FBXO3: variants seen among roughly 807,000 people sequenced by gnomAD.
The protein encoded by FBXO3 is F-box only protein 3.
FBXO3 carries 17 observed loss-of-function variants against 64.8 expected under a neutral mutation model. That is an observed-to-expected ratio of 0.26 (90% CI 0.18 to 0.39). The LOEUF is 0.39. Among genes scored for constraint, FBXO3 ranks in the 10% least tolerant of loss-of-function variants. The probability of loss-of-function intolerance (pLI) is 1.00; values close to 1 mark genes in which losing one functional copy is unlikely to be tolerated. For synonymous variants in FBXO3, 182 were observed against 201.6 expected, an observed-to-expected ratio of 0.90 and a Z score of 0.82; for missense variants, 420 against 589.9, an observed-to-expected ratio of 0.71 and a Z score of 2.98.
At chr11:33,758,671 T>C in intron 3 of FBXO3, 70 bp from the exon 4 acceptor site, 2 of 1,010,808 alleles carry the variant, frequency 2.0e-6, no homozygotes, top group Admixed American at 4.7e-5. Flanking sequence ...GCAATCTATC[T>C]GCTAACTAAT....
At chr11:33,768,670 G>GA (rs1269669349) in intron 3 of FBXO3, 181 bp downstream of exon 3, 6 of 627,434 alleles carry the variant, frequency 9.6e-6, no homozygotes, top group Non-Finnish European at 1.7e-5. Flanking sequence ...CCAAGGATGA[G>GA]AAAAAACAGG....
rs1439462655 is a variant in FBXO3 at position 33,761,403 on chromosome 11, T to C, written c.359-2802A>G. Among the ~76,000 whole-genome samples, 3 of 152,142 alleles carry C rather than the reference T, an allele frequency of 2.0e-5. No homozygotes were observed. The East Asian group carries it at 5.8e-4, about 29-fold the overall frequency. Reference sequence around the variant, plus strand: ...CTAGAGTAGCTCTACTAAAATCACATGAAATGAGACTTTAAGGCAAACAAC... The same window carrying C: ...CTAGAGTAGCTCTACTAAAATCACACGAAATGAGACTTTAAGGCAAACAAC... On this transcript the variant is annotated intron_variant, in intron 3 of 10. Coordinates refer to ENST00000265651, the MANE Select transcript of FBXO3 (RefSeq NM_012175.4).
chr11:33,763,433 T>A (rs531174567), intron 3 of FBXO3: 1 of 191,906 alleles, frequency 5.2e-6, no homozygotes, highest in East Asian at 1.2e-4. Context: ...ATTCCAGGAA[T>A]ACAAAGTTGG....
At chr11:33,752,455 C>T (rs768771818) in intron 6 of FBXO3, among the ~76,000 whole-genome samples, 6 of 152,170 alleles carry the variant, frequency 3.9e-5, no homozygotes, top group Non-Finnish European at 8.8e-5. Flanking sequence ...AGTTTCTACA[C>T]TCTGTCACAC....
chr11:33,770,472 A>G (rs958903448), intron 2 of FBXO3, among the ~76,000 whole-genome samples: 3 of 152,232 alleles, frequency 2.0e-5, no homozygotes, highest in African/African-American at 7.2e-5. Context: ...TCAGTGGGGA[A>G]GTCAGGGAGG....
intron 1 of FBXO3, chr11:33,773,118 C>T (rs1187883888): frequency 2.0e-5 from 3 of 152,090 alleles, no homozygotes; most frequent in African/African-American, 7.2e-5. Context: ...ATATACAAGC[C>T]AGATGATAAG....
rs1564985688 is a variant in FBXO3, at chr11:33,746,691, C to CT, written c.1239+438dup. 10 of 1,338,670 alleles carry CT rather than the reference C, an allele frequency of 7.5e-6. No individual in the cohort carries two copies. The South Asian group carries it at 1.3e-4, about 18-fold the overall frequency. 82.9% of individuals were successfully genotyped at this position (1,338,670 alleles called of 1,614,324 possible). A position where few individuals can be genotyped will look rare whatever the true frequency, so the allele number is the denominator to read the frequency against. Reference sequence around the variant, plus strand: ...GATTTTAAAAAATATACCTAGTTGACTTAAGAAATGATCCCAGAGAGACTG... The same window carrying CT: ...GATTTTAAAAAATATACCTAGTTGACTTTAAGAAATGATCCCAGAGAGACTG... On this transcript the variant is annotated intron_variant, in intron 10 of 10. Transcript: ENST00000265651.
At chr11:33,755,118 C>T (rs1370930246) in intron 5 of FBXO3, among the ~76,000 whole-genome samples, 4 of 151,890 alleles carry the variant, frequency 2.6e-5, no homozygotes, top group Admixed American at 1.3e-4. Flanking sequence ...TTGATCCACC[C>T]GCCTCAGCCT....
intron 9 of FBXO3, among the ~76,000 whole-genome samples, chr11:33,747,857 G>A (rs1248527977): frequency 2.1e-5 from 3 of 141,042 alleles, no homozygotes; most frequent in Non-Finnish European, 3.0e-5. Flanking sequence ...CTACAATGTA[G>A]AAAGTGGGAA....
chr11:33,747,786 T>C (rs911879871), intron 9 of FBXO3, among the ~76,000 whole-genome samples: 1 of 151,510 alleles, frequency 6.6e-6, no homozygotes, highest in African/African-American at 2.4e-5. Context: ...TTCTGGGATA[T>C]CAGGCGTGAG....
At chr11:33,774,129 A>G (rs193050075) in intron 1 of FBXO3, 13 of 388,496 alleles carry the variant, frequency 3.3e-5, no homozygotes, top group African/African-American at 2.8e-4. Flanking sequence ...TTCTCTTGCA[A>G]GTGGGCCTCA....
chr11:33,746,178 T>C (rs1854808840), intron 10 of FBXO3: 1 of 153,392 alleles, frequency 6.5e-6, no homozygotes, highest in African/African-American at 2.4e-5. Flanking sequence ...TATCAAACAT[T>C]TAGGGAAAAG....
chr11:33,749,832 T>C (rs763237190), intron 8 of FBXO3, among the ~76,000 whole-genome samples: 1 of 152,160 alleles, frequency 6.6e-6, no homozygotes, highest in Non-Finnish European at 1.5e-5. Context: ...AAACGACAAA[T>C]ATCTATACAT....
chr11:33,747,794 G>C (rs1263349501), intron 9 of FBXO3, among the ~76,000 whole-genome samples: 1 of 151,280 alleles, frequency 6.6e-6, no homozygotes, highest in African/African-American at 2.4e-5. Flanking sequence ...TATCAGGCGT[G>C]AGCCACTGCG....
chr11:33,763,812 C>T (rs1484414562), intron 3 of FBXO3, among the ~76,000 whole-genome samples: 1 of 152,100 alleles, frequency 6.6e-6, no homozygotes, highest in South Asian at 2.1e-4. Context: ...ATATATAAGG[C>T]TTGGAAAGAT....
At position 33,774,417 on chromosome 11, in the gene FBXO3, A is replaced by G; in HGVS notation, c.81T>C (p.Phe27=). Residue 27 remains phenylalanine, a synonymous_variant, in exon 1 of 11, where the codon TTT becomes TTC. Coordinates refer to ENST00000265651, the MANE Select transcript of FBXO3 (RefSeq NM_012175.4). The part of the protein sequence containing the change: ...PTDPLLLILS[F]LDYRDLINCC... ...ACTTGATTAGATCCCGATAGTCCAA[A>G]AAGGATAAGATGAGGAGCAGGGGAT... 6.2e-7 allele frequency: 1 copy of G among 1,606,348 alleles called. No homozygotes were observed. The highest frequency in any genetic ancestry group is 8.5e-7 in the Non-Finnish European group (1 of 1,176,588).
At chr11:33,768,304 T>G (rs544734580) in intron 3 of FBXO3, among the ~76,000 whole-genome samples, 12 of 152,324 alleles carry the variant, frequency 7.9e-5, no homozygotes, top group Admixed American at 5.2e-4. Context: ...AAAGAGCATA[T>G]TCTGGAGTTG....
chr11:33,769,887 A>T (rs1437770439), intron 2 of FBXO3, among the ~76,000 whole-genome samples: 4 of 136,736 alleles, frequency 2.9e-5, no homozygotes, highest in Non-Finnish European at 6.3e-5. Flanking sequence ...GGGGTAGAAG[A>T]GGGAAGGGGA....
chr11:33,761,728 TA>T (rs1855248483), intron 3 of FBXO3, among the ~76,000 whole-genome samples: 1 of 152,212 alleles, frequency 6.6e-6, no homozygotes, highest in African/African-American at 2.4e-5. Context: ...CTGGGGCTGC[TA>T]TCTCATCTTA....
Sources: gnomAD v4.1 joint callset for allele counts (sites outside exome capture counted in the v4.1 genomes callset) on GRCh38, gnomAD v4.1.1 for gene constraint, MANE v1.5 for transcripts, NCBI Gene and HGNC (gene_info 2026-07-23, HGNC 2026-07-21) for gene names.